SNX9: variants seen among roughly 807,000 people sequenced by gnomAD.
SNX9 encodes the protein sorting nexin-9.
In SNX9, 44 loss-of-function variants were observed where a neutral mutation model predicts 89.4. The observed-to-expected ratio is 0.49, with a 90% CI of 0.39 to 0.63. The LOEUF (loss-of-function observed/expected upper bound fraction) is 0.63, where lower values mean the gene tolerates loss of function less well. Ranked by LOEUF, SNX9 falls within the 30% of genes least tolerant of loss-of-function variation. The pLI, the probability that SNX9 is intolerant of heterozygous loss-of-function variation, is 0.00. For missense variants in SNX9, 578 were observed against 736.1 expected (o/e 0.79, Z 2.49); for synonymous variants, 236 against 247.8 (o/e 0.95, Z 0.45).
At position 157,874,905 on chromosome 6, in the gene SNX9, A is replaced by G. The variant is rs1163465072; in HGVS notation, c.175-146A>G. The G allele has an allele frequency of 5.1e-5, 38 of 749,686 alleles. No individual in the cohort carries two copies. In the Admixed American group the frequency reaches 9.9e-4, roughly 20 times the overall value. The allele number at this position is 749,686 out of a possible 1,614,324, so 46.4% of individuals were successfully genotyped here. A position where few individuals can be genotyped will look rare whatever the true frequency, so the allele number is the denominator to read the frequency against. Reference sequence around the variant, plus strand: ...AAATGAAAATACAACCCATTAAAATATGAGTATGCGGCAAAAGCAGTGCTT... The same window carrying G: ...AAATGAAAATACAACCCATTAAAATGTGAGTATGCGGCAAAAGCAGTGCTT... On this transcript the variant is annotated intron_variant, in intron 3 of 17. Coordinates refer to ENST00000392185, the MANE Select transcript of SNX9 (RefSeq NM_016224.5).
chr6:157,883,480 G>C (rs1290872243), intron 4 of SNX9, among the ~76,000 whole-genome samples: 2 of 152,176 alleles, frequency 1.3e-5, no homozygotes, highest in Non-Finnish European at 2.9e-5. Flanking sequence ...TTGTGTATCA[G>C]AGTTAGGCAA....
intron 11 of SNX9, among the ~76,000 whole-genome samples, chr6:157,927,686 T>A (rs1444848288): frequency 1.3e-5 from 2 of 151,420 alleles, no homozygotes; most frequent in Non-Finnish European, 2.9e-5. Context: ...CTTACGGACT[T>A]AAAAGAAATT....
rs1177648226 is a variant in SNX9, at chr6:157,844,587, G to GTTTTTTTTTTTTTTTTTTTTTTTT, written c.12+21153_12+21154insTTTTTTTTTTTTTTTTTTTTTTTT. 5.4e-5 allele frequency among the ~76,000 whole-genome samples: 7 copies of GTTTTTTTTTTTTTTTTTTTTTTTT among 130,302 alleles called. No homozygotes were observed. The East Asian group carries it at 6.7e-4, about 12-fold the overall frequency. The allele number at this position is 130,302 out of a possible 152,430, so 85.5% of individuals were successfully genotyped here. A position where few individuals can be genotyped will look rare whatever the true frequency, so the allele number is the denominator to read the frequency against. ...ATTTTTAATCTTGTGGCTAATCCTT[G>GTTTTTTTTTTTTTTTTTTTTTTTT]TTTTTTTTTTTTGTTTTTTTTTTTG... is the stretch of plus-strand genomic sequence containing the variant. On this transcript the variant is annotated intron_variant, in intron 1 of 17. Coordinates refer to ENST00000392185, the MANE Select transcript of SNX9 (RefSeq NM_016224.5).
At chr6:157,916,027 T>C (rs1256645210) in intron 9 of SNX9, among the ~76,000 whole-genome samples, 1 of 151,508 alleles carries the variant, frequency 6.6e-6, no homozygotes, top group Admixed American at 6.6e-5. Context: ...TTTGGTTTTT[T>C]TGTCTTTTCT....
In SNX9 at chr6:157,906,205, C is replaced by A. The variant is rs1783212205; in HGVS notation, c.698C>A (p.Pro233His). 1 of 1,601,754 alleles carries A rather than the reference C, an allele frequency of 6.2e-7. No homozygotes were observed. The highest frequency in any genetic ancestry group is 8.5e-7 in the Non-Finnish European group (1 of 1,176,448). The change falls in exon 7 of 18, where the codon CCC becomes CAC. Residue 233 changes from proline to histidine, a missense_variant. By Grantham distance (77) the Pro-to-His change is moderately conservative. Around this residue, in one of 2 missense-constraint regions of SNX9, gnomAD observed 348 missense variants for 491.4 expected, o/e 0.71. Coordinates refer to ENST00000392185, the MANE Select transcript of SNX9 (RefSeq NM_016224.5). Reference sequence around the variant, plus strand: ...CTAGCAAAACCCAAAGAGAAAATTCCCATCATTGTAAGTTTGTTTATTTTT... The same window carrying A: ...CTAGCAAAACCCAAAGAGAAAATTCACATCATTGTAAGTTTGTTTATTTTT... ...KQLAKPKEKI[P>H]IIVGDYGPMW...
intron 12 of SNX9, among the ~76,000 whole-genome samples, chr6:157,930,829 G>A (rs756235594): frequency 5.9e-5 from 9 of 152,066 alleles, no homozygotes; most frequent in Non-Finnish European, 1.2e-4. Flanking sequence ...GTTTTTAAAG[G>A]CAATGAATTA....
intron 1 of SNX9, among the ~76,000 whole-genome samples, chr6:157,865,902 AG>A (rs1272399793): frequency 6.6e-6 from 1 of 151,560 alleles, no homozygotes; most frequent in African/African-American, 2.4e-5. Flanking sequence ...CACTTGCATT[AG>A]CCCTGTTAGA....
chr6:157,917,135 G>A (rs763517490), intron 9 of SNX9, among the ~76,000 whole-genome samples: 2 of 152,090 alleles, frequency 1.3e-5, no homozygotes, highest in East Asian at 1.9e-4. Flanking sequence ...TAAGGGAGTC[G>A]ATTTATTTCA....
Position 157,859,857 on chromosome 6 carries a change from C to CGGG in SNX9, c.13-7690_13-7689insGGG, listed in dbSNP as rs1782084077. ...CTTTGTGATATGAATTGAAAATACT[C>CGGG]TTTCCTTTATGACTTCTGCTGTATG... is the stretch of plus-strand genomic sequence containing the variant. On this transcript the variant is annotated intron_variant, in intron 1 of 17. Transcript: ENST00000392185. Among the ~76,000 whole-genome samples, 4 of 152,156 alleles carry CGGG rather than the reference C, an allele frequency of 2.6e-5. No homozygotes were observed. In the South Asian group the frequency reaches 8.3e-4, roughly 31 times the overall value.
chr6:157,905,371 A>G (rs1783188941), intron 6 of SNX9, among the ~76,000 whole-genome samples: 1 of 152,174 alleles, frequency 6.6e-6, no homozygotes. Flanking sequence ...TCTTCTGTTT[A>G]CTAAAAGAAA....
chr6:157,904,158 A>C (rs1360560934), intron 6 of SNX9, among the ~76,000 whole-genome samples: 1 of 152,224 alleles, frequency 6.6e-6, no homozygotes, highest in African/African-American at 2.4e-5. Flanking sequence ...ACCTTGGGCC[A>C]GGTGCAGTGC....
chr6:157,845,325 G>C (rs751045882), intron 1 of SNX9, among the ~76,000 whole-genome samples: 2 of 151,908 alleles, frequency 1.3e-5, no homozygotes, highest in Admixed American at 1.3e-4. Flanking sequence ...TGGCCATGCT[G>C]TTCTCAAACT....
At chr6:157,871,238 G>A (rs1425232998) in intron 2 of SNX9, among the ~76,000 whole-genome samples, 3 of 151,958 alleles carry the variant, frequency 2.0e-5, no homozygotes, top group Non-Finnish European at 2.9e-5. Flanking sequence ...AAATTTAGCC[G>A]GGTGTGGTAG....
chr6:157,849,290 G>A (rs1781863021), intron 1 of SNX9, among the ~76,000 whole-genome samples: 1 of 152,200 alleles, frequency 6.6e-6, no homozygotes, highest in Non-Finnish European at 1.5e-5. Flanking sequence ...GGCATAAACT[G>A]GGGCTGGCCT....
rs1032945175 is a variant in SNX9, at chr6:157,944,220, G to A, written c.*1382G>A. ...TTCATTTTTCTGACCTAATAATTAC[G>A]GGAAATGGAAAGTCTGGGCCAGCAT... On this transcript the variant is annotated 3_prime_UTR_variant, in exon 18 of 18. Coordinates refer to ENST00000392185, the MANE Select transcript of SNX9 (RefSeq NM_016224.5). 13 of 152,426 alleles carry A rather than the reference G, an allele frequency of 8.5e-5. No homozygotes were observed. The highest frequency in any genetic ancestry group is 2.7e-4 in the African/African-American group (11 of 41,404). The allele number at this position is 152,426 out of a possible 1,614,324, so 9.4% of individuals were successfully genotyped here.
chr6:157,896,801 C>G (rs368990670), intron 4 of SNX9, 26 bp from the exon 5 acceptor site: 11 of 1,610,956 alleles, frequency 6.8e-6, no homozygotes, highest in Non-Finnish European at 8.5e-6. Flanking sequence ...CACAAAAATT[C>G]TCCTTCTTTT....
chr6:157,896,989 C>G lies in SNX9; in HGVS notation c.463C>G (p.Gln155Glu). 1 of 1,598,104 alleles carries G rather than the reference C, an allele frequency of 6.3e-7. No homozygotes were observed. The highest frequency in any genetic ancestry group is 8.5e-7 in the Non-Finnish European group (1 of 1,174,936). The change falls in exon 5 of 18, where the codon CAA becomes GAA. Residue 155 changes from glutamine (Q) to glutamate (E), a missense_variant. Gln to Glu is a conservative substitution (Grantham distance 29). Transcript: ENST00000392185. ...TGCCTTCGGCCACCCCCAGGCCTAC[C>G]AAGGACCAGGTGAGGAGAGGGGTGC... The part of the protein sequence containing the change: ...DTAFGHPQAY[Q>E]GPATGDDDDW...
At chr6:157,863,917 C>T (rs1180820607) in intron 1 of SNX9, among the ~76,000 whole-genome samples, 1 of 152,060 alleles carries the variant, frequency 6.6e-6, no homozygotes, top group Non-Finnish European at 1.5e-5. Context: ...CCTTTTTTCT[C>T]CAAAATTATT....
At chr6:157,857,150 T>G (rs1395199865) in intron 1 of SNX9, among the ~76,000 whole-genome samples, 1 of 152,198 alleles carries the variant, frequency 6.6e-6, no homozygotes, top group Non-Finnish European at 1.5e-5. Flanking sequence ...TTAAGCAAAT[T>G]TAATGTTTCA....
Sources: allele counts gnomAD v4.1 joint callset (sites outside exome capture counted in the v4.1 genomes callset), GRCh38; gene constraint gnomAD v4.1.1; regional missense constraint gnomAD v4.1.1; transcripts MANE v1.5; gene names NCBI Gene and HGNC (gene_info 2026-07-23, HGNC 2026-07-21).